Variants in GALNT13 observed in about 807,000 individuals in gnomAD.
The protein encoded by GALNT13 is polypeptide N-acetylgalactosaminyltransferase 13.
GALNT13 carries 28 observed loss-of-function variants against 64.2 expected under a neutral mutation model. The observed-to-expected ratio is 0.44, with a 90% CI of 0.32 to 0.60. GALNT13 has a LOEUF of 0.60. Among genes scored for constraint, GALNT13 ranks in the 20% least tolerant of loss-of-function variants. The pLI, the probability that GALNT13 is intolerant of heterozygous loss-of-function variation, is 0.05. For synonymous variants in GALNT13, 214 were observed against 224.6 expected (o/e 0.95, Z 0.42); for missense variants, 577 against 669.8 (o/e 0.86, Z 1.53).
chr2:153,541,062 GTC>G, the GALNT13 span, among the ~76,000 whole-genome samples: 2 of 152,124 alleles, frequency 1.3e-5, no homozygotes, highest in African/African-American at 2.4e-5. Context: ...GTTTGGCTGT[GTC>G]CCTGCCCAAA....
At chr2:153,797,918 G>A in the GALNT13 span, among the ~76,000 whole-genome samples, 1 of 152,196 alleles carries the variant, frequency 6.6e-6, no homozygotes, top group Admixed American at 6.6e-5. Context: ...GTGTTTTTCT[G>A]GAGTAACTCT....
the GALNT13 span, among the ~76,000 whole-genome samples, chr2:153,855,989 T>C: frequency 6.6e-5 from 10 of 152,174 alleles, no homozygotes; most frequent in South Asian, 8.3e-4. Context: ...AGTGTTATGA[T>C]TCCATTTATG....
chr2:153,397,542 G>C, the GALNT13 span, among the ~76,000 whole-genome samples: 4 of 151,844 alleles, frequency 2.6e-5, no homozygotes, highest in Non-Finnish European at 5.9e-5. Flanking sequence ...TGATTTTTAG[G>C]CTCCAATATT....
At chr2:153,368,953 A>C in the GALNT13 span, among the ~76,000 whole-genome samples, 3 of 152,124 alleles carry the variant, frequency 2.0e-5, no homozygotes, top group Non-Finnish European at 2.9e-5. Flanking sequence ...ATTTGAAAGA[A>C]TAGAAATCAT....
chr2:154,079,139 C>T (rs1279883317), intron 3 of GALNT13, among the ~76,000 whole-genome samples: 1 of 151,356 alleles, frequency 6.6e-6, no homozygotes, highest in African/African-American at 2.4e-5. Flanking sequence ...TGGAGGGATA[C>T]AGAAGAAAAT....
intron 10 of GALNT13, among the ~76,000 whole-genome samples, chr2:154,402,080 A>T (rs1266177751): frequency 6.6e-6 from 1 of 152,234 alleles, no homozygotes; most frequent in Non-Finnish European, 1.5e-5. Flanking sequence ...AAGAGAAAAC[A>T]AATGAGGTTG....
the GALNT13 span, among the ~76,000 whole-genome samples, chr2:153,306,752 C>T: frequency 6.6e-6 from 1 of 152,056 alleles, no homozygotes; most frequent in African/African-American, 2.4e-5. Flanking sequence ...TCTCTCTCTC[C>T]CTTTTTGTTT....
At chr2:154,329,232 A>G (rs1326060258) in intron 9 of GALNT13, among the ~76,000 whole-genome samples, 1 of 152,068 alleles carries the variant, frequency 6.6e-6, no homozygotes, top group Non-Finnish European at 1.5e-5. Flanking sequence ...CCACCTCCCA[A>G]GTAGTTGGGA....
intron 3 of GALNT13, among the ~76,000 whole-genome samples, chr2:154,022,851 C>G (rs1025199849): frequency 6.6e-6 from 1 of 152,130 alleles, no homozygotes; most frequent in African/African-American, 2.4e-5. Context: ...AAATTTCCCT[C>G]TACACACTGC....
chr2:154,255,738 TGAGAA>T (rs1690335936), intron 7 of GALNT13, among the ~76,000 whole-genome samples: 1 of 152,000 alleles, frequency 6.6e-6, no homozygotes, highest in Admixed American at 6.6e-5. Context: ...CCCAGATGGT[TGAGAA>T]GAGTCCAAAA....
the GALNT13 span, among the ~76,000 whole-genome samples, chr2:153,264,899 C>T: frequency 5.3e-5 from 8 of 152,182 alleles, no homozygotes; most frequent in African/African-American, 1.7e-4. Flanking sequence ...ACATGTTTAC[C>T]TATGTAACAA....
the GALNT13 span, among the ~76,000 whole-genome samples, chr2:153,827,183 C>A: frequency 1.3e-5 from 2 of 152,020 alleles, no homozygotes; most frequent in Admixed American, 6.6e-5. Context: ...TGCAGGGAAA[C>A]TCCCGCTTTT....
At chr2:153,955,148 A>T (rs1321221617) in intron 3 of GALNT13, among the ~76,000 whole-genome samples, 1 of 152,168 alleles carries the variant, frequency 6.6e-6, no homozygotes, top group Non-Finnish European at 1.5e-5. Context: ...TTTTGGGGTC[A>T]ACCTAACAAG....
the GALNT13 span, among the ~76,000 whole-genome samples, chr2:153,487,616 G>A: frequency 6.6e-6 from 1 of 152,214 alleles, no homozygotes; most frequent in Non-Finnish European, 1.5e-5. Flanking sequence ...AATGTATGAA[G>A]AGCATGTAAT....
At chr2:153,295,519 G>A in the GALNT13 span, among the ~76,000 whole-genome samples, 5 of 105,980 alleles carry the variant, frequency 4.7e-5, no homozygotes, top group South Asian at 1.2e-3. Context: ...CTAAACATCT[G>A]GAGTACCTAA....
the GALNT13 span, among the ~76,000 whole-genome samples, chr2:153,096,931 G>T: frequency 6.6e-6 from 1 of 151,864 alleles, no homozygotes; most frequent in African/African-American, 2.4e-5. Flanking sequence ...TGATTTTGTG[G>T]TCTTCTTTTC....
At chr2:153,177,303 T>C in the GALNT13 span, among the ~76,000 whole-genome samples, 38 of 152,218 alleles carry the variant, frequency 2.5e-4, no homozygotes, top group South Asian at 7.9e-3. Context: ...CTAAAGTTAA[T>C]TTTAAAATGT....
intron 3 of GALNT13, among the ~76,000 whole-genome samples, chr2:153,958,909 A>G (rs1417788954): frequency 6.6e-6 from 1 of 152,180 alleles, no homozygotes; most frequent in African/African-American, 2.4e-5. Context: ...GACACCAAAA[A>G]CAAAAATATT....
At chr2:154,266,395 C>T (rs919932774) in intron 8 of GALNT13, among the ~76,000 whole-genome samples, 2 of 151,926 alleles carry the variant, frequency 1.3e-5, no homozygotes, top group African/African-American at 2.4e-5. Flanking sequence ...ATTGCTGAAA[C>T]AAATAAGACA....
Sources: allele counts gnomAD v4.1 joint callset (sites outside exome capture counted in the v4.1 genomes callset), GRCh38; gene constraint gnomAD v4.1.1; transcripts MANE v1.5; gene names NCBI Gene and HGNC (gene_info 2026-07-23, HGNC 2026-07-21).